EPB41: variants seen among roughly 807,000 people sequenced by gnomAD.
The protein encoded by EPB41 is protein 4.1.
Under a neutral mutation model 108.0 loss-of-function variants are expected in EPB41, and 65 were observed. That is an observed-to-expected ratio of 0.60 (90% CI 0.49 to 0.74). The LOEUF (loss-of-function observed/expected upper bound fraction) is 0.74. EPB41 is among the 30% of genes least tolerant of loss of function. The pLI is 0.00. For missense variants in EPB41, 875 were observed against 1,037.0 expected, an observed-to-expected ratio of 0.84 and a Z score of 2.15; for synonymous variants, 336 against 358.9, an observed-to-expected ratio of 0.94 and a Z score of 0.72.
chr1:29,082,693 C>A (rs1220037503), intron 16 of EPB41, among the ~76,000 whole-genome samples: 2 of 152,146 alleles, frequency 1.3e-5, no homozygotes, highest in African/African-American at 4.8e-5. Context: ...TTTGCCCAAG[C>A]ACTTTGACCT....
intron 1 of EPB41, among the ~76,000 whole-genome samples, chr1:28,932,169 C>T (rs1387515226): frequency 6.6e-6 from 1 of 152,152 alleles, no homozygotes; most frequent in East Asian, 1.9e-4. Flanking sequence ...GTTGCCCAGG[C>T]TGGAGTGCAG....
At position 28,919,945 on chromosome 1, in the gene EPB41, C is replaced by G. The variant is rs74067235; in HGVS notation, c.-8+5177C>G. On this transcript the variant is annotated intron_variant, in intron 1 of 20. Coordinates refer to ENST00000343067, the MANE Select transcript of EPB41 (RefSeq NM_001376013.1). The stretch of plus-strand genomic sequence containing the variant: ...ATTGTTTATTGAATTGCTGCTCTCC[C>G]TCTTCCGTAGCTGATGACTCTTTGA... 4.5e-3 allele frequency among the ~76,000 whole-genome samples: 686 copies of G among 152,294 alleles called. 7 individuals are homozygous for G. Among genetic ancestry groups the G allele is most frequent in the African/African-American group, 0.015 (637 of 41,568 alleles).
intron 8 of EPB41, among the ~76,000 whole-genome samples, chr1:29,032,157 C>A (rs957107872): frequency 5.3e-5 from 8 of 150,272 alleles, no homozygotes; most frequent in Non-Finnish European, 1.2e-4. Context: ...GGTACTACAA[C>A]TTCTATGAAT....
intron 16 of EPB41, among the ~76,000 whole-genome samples, chr1:29,087,461 C>T (rs925606959): frequency 2.0e-5 from 3 of 152,084 alleles, no homozygotes; most frequent in African/African-American, 7.2e-5. Context: ...GTCCTTGGTT[C>T]AAGCAATTCT....
chr1:29,067,479 GA>G (rs1341558683), intron 16 of EPB41, among the ~76,000 whole-genome samples: 3 of 102,372 alleles, frequency 2.9e-5, no homozygotes, highest in East Asian at 3.2e-4. Flanking sequence ...CTGGGCGACA[GA>G]GCGAGACTCT....
At position 29,103,503 on chromosome 1, in the gene EPB41, T is replaced by C. The variant is rs181493663; in HGVS notation, c.2313+5568T>C. On this transcript the variant is annotated intron_variant, in intron 17 of 20. Coordinates refer to ENST00000343067, the MANE Select transcript of EPB41 (RefSeq NM_001376013.1). ...CTTAGTTTTCTCTTCTGAAAAATAC[T>C]GTGATCAAGTTATTGAAATAAGCAC... Among the ~76,000 whole-genome samples the C allele has an allele frequency of 2.6e-5, 4 of 152,330 alleles. No individual in the cohort carries two copies. The East Asian group carries it at 7.7e-4, about 29-fold the overall frequency.
intron 1 of EPB41, among the ~76,000 whole-genome samples, chr1:28,889,201 T>C (rs2089823396): frequency 4.6e-5 from 7 of 152,130 alleles, no homozygotes; most frequent in Admixed American, 3.3e-4. Context: ...AAATAGGCAA[T>C]GTGTATGCAG....
chr1:28,895,559 G>A (rs1476620812), intron 1 of EPB41, among the ~76,000 whole-genome samples: 2 of 151,860 alleles, frequency 1.3e-5, no homozygotes, highest in Admixed American at 6.6e-5. Context: ...GTGCCATCTC[G>A]GCTCACTGCA....
chr1:29,065,466 A>C (rs1472670003), intron 16 of EPB41: 1 of 225,086 alleles, frequency 4.4e-6, no homozygotes, highest in East Asian at 9.7e-5. Context: ...GTAGAGGTTT[A>C]TTTGTATTCA....
intron 16 of EPB41, among the ~76,000 whole-genome samples, chr1:29,085,850 C>T (rs1301317687): frequency 6.6e-6 from 1 of 152,200 alleles, no homozygotes; most frequent in East Asian, 1.9e-4. Flanking sequence ...CCTCACCCAG[C>T]TGACTTTGAC....
chr1:29,041,509 C>T (rs183440218), intron 11 of EPB41: 25 of 152,058 alleles, frequency 1.6e-4, no homozygotes, highest in African/African-American at 5.1e-4. Flanking sequence ...GATATAAGTT[C>T]AGAAGGCAAT....
At chr1:28,978,712 G>T (rs192191036) in intron 1 of EPB41, among the ~76,000 whole-genome samples, 2 of 151,294 alleles carry the variant, frequency 1.3e-5, no homozygotes, top group African/African-American at 4.9e-5. Context: ...TGGCTGGGGG[G>T]CCCGGAAAGA....
chr1:28,912,018 C>G (rs565086539), upstream of EPB41, among the ~76,000 whole-genome samples: 1 of 152,238 alleles, frequency 6.6e-6, no homozygotes, highest in East Asian at 1.9e-4. Context: ...TGCACTCCAG[C>G]CTGGGCAAAA....
At chr1:28,934,704 G>GTGTGTGTGTGTA (rs1028346384) in intron 1 of EPB41, among the ~76,000 whole-genome samples, 8 of 151,178 alleles carry the variant, frequency 5.3e-5, no homozygotes, top group African/African-American at 1.9e-4. Flanking sequence ...GTGTGTGTGT[G>GTGTGTGTGTGTA]TATTTTAATA....
intron 1 of EPB41, among the ~76,000 whole-genome samples, chr1:28,944,599 C>T (rs1307888140): frequency 7.3e-6 from 1 of 137,094 alleles, no homozygotes; most frequent in Non-Finnish European, 1.5e-5. Context: ...TGCAGTGGTG[C>T]CATCTTGGCT....
intron 11 of EPB41, among the ~76,000 whole-genome samples, chr1:29,039,732 T>C (rs1295582562): frequency 6.6e-6 from 1 of 152,102 alleles, no homozygotes; most frequent in East Asian, 1.9e-4. Flanking sequence ...GAGAATTGCT[T>C]GAACCCAGGA....
chr1:29,001,132 C>A (rs2096285685), intron 4 of EPB41, among the ~76,000 whole-genome samples: 1 of 152,028 alleles, frequency 6.6e-6, no homozygotes, highest in African/African-American at 2.4e-5. Context: ...GAGTTCGTAA[C>A]CAGCCTGGCC....
At chr1:29,056,567 C>T (rs1645483801) in intron 12 of EPB41, among the ~76,000 whole-genome samples, 1 of 151,934 alleles carries the variant, frequency 6.6e-6, no homozygotes, top group Admixed American at 6.6e-5. Flanking sequence ...GCTCTGTCAC[C>T]CAGGCTGGAG....
At chr1:28,988,153 C>T (rs1181219838) in intron 2 of EPB41, among the ~76,000 whole-genome samples, 3 of 152,264 alleles carry the variant, frequency 2.0e-5, no homozygotes, top group Middle Eastern at 6.8e-3. Context: ...ATCCCAGCTA[C>T]TCAGGAGGCT....
Sources: gnomAD v4.1 joint callset for allele counts (sites outside exome capture counted in the v4.1 genomes callset) on GRCh38, gnomAD v4.1.1 for gene constraint, MANE v1.5 for transcripts, NCBI Gene and HGNC (gene_info 2026-07-23, HGNC 2026-07-21) for gene names.